BTBD18: variants seen among roughly 807,000 people sequenced by gnomAD.
BTBD18 encodes the protein BTB/POZ domain-containing protein 18.
For missense variants in BTBD18, 787 were observed against 846.3 expected, an observed-to-expected ratio of 0.93 and a Z score of 0.87; for synonymous variants, 311 against 324.4, an observed-to-expected ratio of 0.96 and a Z score of 0.44.
Position 57,745,619 on chromosome 11 carries a change from T to C in BTBD18, c.654A>G (p.Gln218=), listed in dbSNP as rs761385127. 1 of 1,551,654 alleles carries C rather than the reference T, an allele frequency of 6.4e-7. No homozygotes were observed. The highest frequency in any genetic ancestry group is 1.2e-5 in the South Asian group (1 of 84,058). ...GGCTTGATGGTGAAGAGTTTTTTTC[T>C]TGTGGAGTTGGGCAGGCTCTGGCCT... The part of the protein sequence containing the change: ...KRKARACPTP[Q]EKNSSPSSHS... The change falls in exon 3 of 3, where the codon CAA becomes CAG. Residue 218 remains glutamine (Q), a synonymous_variant. Transcript: ENST00000422652.
upstream of BTBD18, among the ~76,000 whole-genome samples, chr11:57,752,995 G>T (rs1949346870): frequency 6.6e-6 from 1 of 152,248 alleles, no homozygotes; most frequent in Admixed American, 6.5e-5. Flanking sequence ...GGCCACCTCC[G>T]CCAGCATAGA....
intron 2 of BTBD18, among the ~76,000 whole-genome samples, chr11:57,746,837 CCCA>C (rs920184851): frequency 7.9e-5 from 12 of 151,160 alleles, no homozygotes; most frequent in African/African-American, 2.7e-4. Context: ...CTTCCTCCAC[CCCA>C]CCACAAGTCT....
rs549782162 is a variant in BTBD18, at chr11:57,745,452, A to G, written c.821T>C (p.Ile274Thr). The change falls in exon 3 of 3, where the codon ATC (isoleucine) becomes ACC (threonine). Residue 274 changes from isoleucine to threonine, a missense_variant. Transcript: ENST00000422652. ...AATGCTGGAAGGCTTTGATGTACAG[A>G]TACCAGGAGATGGCTTTGAGCGACT... Reference protein sequence around the residue: ...RLSRSKPSPGICTSKPSSILS... With the variant: ...RLSRSKPSPGTCTSKPSSILS... 176 of 1,551,298 alleles carry G rather than the reference A, an allele frequency of 1.1e-4. No homozygotes were observed. In the African/African-American group the frequency reaches 2.3e-3, roughly 20 times the overall value.
rs375829022 is a variant in BTBD18 at position 57,744,675 on chromosome 11, C to T, written c.1598G>A (p.Gly533Glu). 2.3e-5 allele frequency: 35 copies of T among 1,551,736 alleles called. No individual in the cohort carries two copies. In the East Asian group the frequency reaches 5.4e-4, roughly 24 times the overall value. Reference protein sequence around the residue: ...RTPTYHLTETGKNWIEGEEWC... With the variant: ...RTPTYHLTETEKNWIEGEEWC... ...TTCTTCCCCTTCAATCCAGTTCTTTCCTGTTTCTGTCAGATGGTAGGTAGG... is the reference window on the plus strand; with the variant it reads ...TTCTTCCCCTTCAATCCAGTTCTTTTCTGTTTCTGTCAGATGGTAGGTAGG... Residue 533 changes from glycine to glutamate, a missense_variant, in exon 3 of 3, where the codon GGA becomes GAA. Gly to Glu is a moderately conservative substitution (Grantham distance 98, BLOSUM62 -2). Coordinates refer to ENST00000422652, the MANE Select transcript of BTBD18 (RefSeq NM_001145101.3).
Position 57,751,234 on chromosome 11 carries a change from C to T in BTBD18, c.-46G>A, listed in dbSNP as rs953644917. 6.8e-7 allele frequency: 1 copy of T among 1,463,032 alleles called. No individual in the cohort carries two copies. The highest frequency in any genetic ancestry group is 9.1e-7 in the Non-Finnish European group (1 of 1,103,378). The allele number at this position is 1,463,032 out of a possible 1,614,324, so 90.6% of individuals were successfully genotyped here. On this transcript the variant is annotated splice_region_variant and 5_prime_UTR_variant, in exon 2 of 3. Transcript: ENST00000422652. ...ACCTTCTAGGTTTTCACAGATCAGA[C>T]TCCTGTAGGTGAGATAATACATTTC...
intron 2 of BTBD18, among the ~76,000 whole-genome samples, chr11:57,749,728 C>T (rs375062534): frequency 4.6e-5 from 5 of 109,078 alleles, no homozygotes; most frequent in African/African-American, 7.2e-5. Flanking sequence ...TCAGCCTGGG[C>T]GACAGCGCAA....
At chr11:57,749,692 G>A (rs922944133) in intron 2 of BTBD18, among the ~76,000 whole-genome samples, 6 of 132,244 alleles carry the variant, frequency 4.5e-5, no homozygotes, top group Admixed American at 1.9e-4. Flanking sequence ...GGAGACAGCA[G>A]TGAGCTGAGA....
chr11:57,750,331 C>T (rs545285177), intron 2 of BTBD18, among the ~76,000 whole-genome samples: 26 of 151,502 alleles, frequency 1.7e-4, no homozygotes, highest in Non-Finnish European at 2.8e-4. Flanking sequence ...GAGCTGAGAC[C>T]GTGCCATTGC....
rs934658481 is a variant in BTBD18, at chr11:57,743,555, CTG to C, written c.*577_*578del. The C allele has an allele frequency of 6.6e-6, 1 of 152,154 alleles. No individual in the cohort carries two copies. The highest frequency in any genetic ancestry group is 1.5e-5 in the Non-Finnish European group (1 of 68,052). The allele number at this position is 152,154 out of a possible 1,614,324, so 9.4% of individuals were successfully genotyped here. A position where few individuals can be genotyped will look rare whatever the true frequency, so the allele number is the denominator to read the frequency against. The stretch of plus-strand genomic sequence containing the variant: ...AATAATTTATTTTTTAAAAAAGCAA[CTG>C]TATCTTTTTCAACTTACTTTTTGGA... On this transcript the variant is annotated 3_prime_UTR_variant, in exon 3 of 3. Transcript: ENST00000422652.
chr11:57,750,935 C>T, intron 2 of BTBD18, 130 bp downstream of exon 2: 3 of 670,214 alleles, frequency 4.5e-6, no homozygotes, highest in Non-Finnish European at 6.6e-6. Flanking sequence ...ACAAACAGCC[C>T]TTTACCAAAT....
At position 57,746,090 on chromosome 11, in the gene BTBD18, C is replaced by G. The variant is rs1433434611; in HGVS notation, c.183G>C (p.Glu61Asp). Residue 61 changes from glutamate to aspartate, a missense_variant, in exon 3 of 3, where the codon GAG (glutamate) becomes GAC (aspartate). By Grantham distance (45) the Glu-to-Asp change is conservative. Transcript: ENST00000422652. ...GAGCTGGCCTCTCCCGCTCCAGGCG[C>G]TCTGTGAAGAAGGGGCTACAAGCTG... ...ILSACSPFFT[E>D]RLERERPAQG... The G allele has an allele frequency of 2.6e-6, 4 of 1,551,464 alleles. No individual in the cohort carries two copies. In the East Asian group the frequency reaches 9.8e-5, roughly 38 times the overall value.
chr11:57,751,407 A>C (rs1253461199), intron 1 of BTBD18, 134 bp downstream of exon 1: 1 of 401,154 alleles, frequency 2.5e-6, no homozygotes, highest in Non-Finnish European at 4.4e-6. Context: ...TAGTGGTTAC[A>C]TGTGGGAGCT....
chr11:57,752,959 G>T (rs1013630152), upstream of BTBD18, among the ~76,000 whole-genome samples: 1 of 152,366 alleles, frequency 6.6e-6, no homozygotes, highest in Middle Eastern at 3.4e-3. Flanking sequence ...GGATCCGGGA[G>T]GCCCAAAGTC....
intron 2 of BTBD18, 54 bp downstream of exon 2, chr11:57,751,011 C>A (rs1262823024): frequency 3.5e-6 from 5 of 1,448,192 alleles, no homozygotes; most frequent in South Asian, 1.4e-5. Flanking sequence ...GCTCTGAACT[C>A]ATTTTATCTT....
intron 2 of BTBD18, among the ~76,000 whole-genome samples, chr11:57,746,927 C>T (rs566168566): frequency 6.6e-6 from 1 of 152,198 alleles, no homozygotes; most frequent in Admixed American, 6.5e-5. Context: ...TATCCATCTC[C>T]TTCACTAGGC....
At position 57,751,804 on chromosome 11, in the gene BTBD18, G is replaced by T. The variant is rs1949316676; in HGVS notation, c.-312C>A. On this transcript the variant is annotated 5_prime_UTR_variant, in exon 1 of 3. Coordinates refer to ENST00000422652, the MANE Select transcript of BTBD18 (RefSeq NM_001145101.3). ...ATTACTGGGTATAAAATTATCTCTA[G>T]TAAGTCGTATGCGCCTTTTCTCTGA... 1 of 152,112 alleles carries T rather than the reference G, an allele frequency of 6.6e-6. No homozygotes were observed. Among genetic ancestry groups the T allele is most frequent in the Non-Finnish European group, 1.5e-5 (1 of 68,058 alleles). 9.4% of individuals were successfully genotyped at this position (152,112 alleles called of 1,614,324 possible).
chr11:57,746,092 C>T lies in BTBD18; in HGVS notation c.181G>A (p.Glu61Lys). 1 of 1,551,492 alleles carries T rather than the reference C, an allele frequency of 6.4e-7. No homozygotes were observed. Residue 61 changes from glutamate (E) to lysine (K), a missense_variant, in exon 3 of 3, where the codon GAG becomes AAG. Glu to Lys is a moderately conservative substitution (Grantham distance 56). Coordinates refer to ENST00000422652, the MANE Select transcript of BTBD18 (RefSeq NM_001145101.3). ...ILSACSPFFT[E>K]RLERERPAQG... ...GCTGGCCTCTCCCGCTCCAGGCGCTCTGTGAAGAAGGGGCTACAAGCTGAC... is the reference window on the plus strand; with the variant it reads ...GCTGGCCTCTCCCGCTCCAGGCGCTTTGTGAAGAAGGGGCTACAAGCTGAC...
rs1949146512 is a variant in BTBD18, at chr11:57,744,220, C to T, written c.2053G>A (p.Glu685Lys). 6.4e-7 allele frequency: 1 copy of T among 1,551,596 alleles called. No homozygotes were observed. Among genetic ancestry groups the T allele is most frequent in the Admixed American group, 2.0e-5 (1 of 50,986 alleles). Reference protein sequence around the residue: ...EEIDVVDWTAEGRLVPTTVPS... With the variant: ...EEIDVVDWTAKGRLVPTTVPS... ...ACAGTAGTGGGTACCAGCCTCCCCT[C>T]TGCTGTCCAGTCCACCACATCAATC... is the stretch of plus-strand genomic sequence containing the variant. Residue 685 changes from glutamate (E) to lysine (K), a missense_variant, in exon 3 of 3, where the codon GAG becomes AAG. Coordinates refer to ENST00000422652, the MANE Select transcript of BTBD18 (RefSeq NM_001145101.3).
At position 57,744,196 on chromosome 11, in the gene BTBD18, C is replaced by G; in HGVS notation, c.2077G>C (p.Val693Leu). The G allele has an allele frequency of 1.3e-6, 2 of 1,551,654 alleles. No homozygotes were observed. The highest frequency in any genetic ancestry group is 8.7e-7 in the Non-Finnish European group (1 of 1,146,976). ...GAAGGGTCAGGCCACACGGAGGGAACAGTAGTGGGTACCAGCCTCCCCTCT... is the reference window on the plus strand; with the variant it reads ...GAAGGGTCAGGCCACACGGAGGGAAGAGTAGTGGGTACCAGCCTCCCCTCT... ...TAEGRLVPTTVPSVWPDPSSE... is the reference protein window; with the variant it reads ...TAEGRLVPTTLPSVWPDPSSE... Residue 693 changes from valine to leucine, a missense_variant, in exon 3 of 3, where the codon GTT becomes CTT. Physicochemically the swap from Val to Leu is conservative, Grantham distance 32 (BLOSUM62 1). Transcript: ENST00000422652.
Sources: allele counts gnomAD v4.1 joint callset (sites outside exome capture counted in the v4.1 genomes callset), GRCh38; gene constraint gnomAD v4.1.1; transcripts MANE v1.5; gene names NCBI Gene and HGNC (gene_info 2026-07-23, HGNC 2026-07-21).